The following SMYD3 variants were observed in gnomAD, a reference collection of about 807,000 sequenced individuals.
SMYD3 encodes SET and MYND domain containing 3, also known as histone-lysine N-methyltransferase SMYD3.
SMYD3 carries 36 observed loss-of-function variants against 57.7 expected under a neutral mutation model. That is an observed-to-expected ratio of 0.62 (90% CI 0.48 to 0.82). The LOEUF is 0.82. Ranked by LOEUF, SMYD3 falls within the 40% of genes least tolerant of loss-of-function variation. The probability of loss-of-function intolerance (pLI) is 0.00; values close to 1 mark genes in which losing one functional copy is unlikely to be tolerated. For missense variants in SMYD3, 515 were observed against 538.8 expected, an observed-to-expected ratio of 0.96 and a Z score of 0.44; for synonymous variants, 211 against 195.0, an observed-to-expected ratio of 1.08 and a Z score of -0.68.
chr1:245,820,097 G>C (rs2049074038), intron 10 of SMYD3, among the ~76,000 whole-genome samples: 1 of 147,642 alleles, frequency 6.8e-6, no homozygotes, highest in Non-Finnish European at 1.5e-5. Flanking sequence ...AACCAAAAAA[G>C]AGAATTTTAG....
intron 2 of SMYD3, among the ~76,000 whole-genome samples, chr1:246,349,586 T>TGACAGAGAGA (rs1161494610): frequency 2.6e-4 from 40 of 152,020 alleles, no homozygotes; most frequent in African/African-American, 9.7e-4. Context: ...CCAGCCTGGG[T>TGACAGAGAGA]GACAGAGAGA....
chr1:245,752,278 A>C (rs1402179338), intron 11 of SMYD3, among the ~76,000 whole-genome samples: 1 of 152,188 alleles, frequency 6.6e-6, no homozygotes, highest in South Asian at 2.1e-4. Flanking sequence ...CTCCGTCCTG[A>C]AAAAGGCCAG....
chr1:245,955,182 C>T (rs932621973), intron 5 of SMYD3, among the ~76,000 whole-genome samples: 5 of 152,184 alleles, frequency 3.3e-5, no homozygotes, highest in Non-Finnish European at 7.3e-5. Context: ...AGTTCCGCCT[C>T]CCGGGTTCAC....
At chr1:245,771,214 A>T (rs2046325693) in intron 10 of SMYD3, among the ~76,000 whole-genome samples, 1 of 152,166 alleles carries the variant, frequency 6.6e-6, no homozygotes, top group South Asian at 2.1e-4. Context: ...GTCACAGATT[A>T]AAAAATGCTA....
chr1:246,444,771 T>G (rs1053340966), intron 1 of SMYD3, among the ~76,000 whole-genome samples: 2 of 152,034 alleles, frequency 1.3e-5, no homozygotes, highest in African/African-American at 4.8e-5. Context: ...AGCTCCAGAG[T>G]GCTTAACTCA....
chr1:246,307,097 G>T (rs905654115), intron 5 of SMYD3, among the ~76,000 whole-genome samples: 1 of 152,128 alleles, frequency 6.6e-6, no homozygotes, highest in African/African-American at 2.4e-5. Flanking sequence ...TTCTACTCTG[G>T]AGTATAAAAT....
chr1:245,858,388 T>C, intron 10 of SMYD3, 108 bp downstream of exon 10: 1 of 1,138,736 alleles, frequency 8.8e-7, no homozygotes, highest in Non-Finnish European at 1.2e-6. Context: ...GAGAAGCAGC[T>C]GGAAATGCTC....
intron 1 of SMYD3, among the ~76,000 whole-genome samples, chr1:246,460,707 T>C (rs1409253830): frequency 1.3e-5 from 2 of 152,262 alleles, no homozygotes; most frequent in African/African-American, 4.8e-5. Flanking sequence ...GGTGTTTTCC[T>C]AGTTTATGTT....
intron 1 of SMYD3, among the ~76,000 whole-genome samples, chr1:246,428,056 C>T (rs1005564064): frequency 6.6e-6 from 1 of 152,074 alleles, no homozygotes; most frequent in Non-Finnish European, 1.5e-5. Context: ...AAATTTTAGA[C>T]CTCTTGACAA....
chr1:246,441,665 G>A (rs1047105101), intron 1 of SMYD3, among the ~76,000 whole-genome samples: 1 of 152,168 alleles, frequency 6.6e-6, no homozygotes, highest in African/African-American at 2.4e-5. Context: ...AGCCTGGAGT[G>A]CAGTGGCGCC....
intron 1 of SMYD3, among the ~76,000 whole-genome samples, chr1:246,459,621 G>C (rs1004464967): frequency 1.3e-5 from 2 of 152,192 alleles, no homozygotes; most frequent in Non-Finnish European, 2.9e-5. Context: ...ACAGCCTGCG[G>C]AACTGTGAGT....
rs1331665467 is a variant in SMYD3 at position 246,330,467 on chromosome 1, G to A, written c.394+13C>T. 1.3e-6 allele frequency: 2 copies of A among 1,562,806 alleles called. No individual in the cohort carries two copies. The highest frequency in any genetic ancestry group is 1.3e-5 in the South Asian group (1 of 78,306). On this transcript the variant is annotated intron_variant, in intron 4 of 11. Transcript: ENST00000490107. ...TAGAAACTTTTTTAAGATGCTGATA[G>A]ACAATCACTTACTTGACTCCAGATC...
intron 8 of SMYD3, among the ~76,000 whole-genome samples, chr1:245,908,733 T>C (rs568681474): frequency 2.0e-4 from 31 of 152,132 alleles, no homozygotes; most frequent in Non-Finnish European, 4.1e-4. Flanking sequence ...AGTGAAGCAA[T>C]TGAGAAAAAG....
chr1:245,929,920 G>A lies in SMYD3; in HGVS notation c.549C>T (p.Phe183=), dbSNP rs765025635. The A allele has an allele frequency of 6.2e-6, 10 of 1,613,676 alleles. No individual in the cohort carries two copies. Among genetic ancestry groups the A allele is most frequent in the South Asian group, 1.1e-5 (1 of 91,072 alleles). Residue 183 remains phenylalanine (F), a synonymous_variant, in exon 6 of 12, where the codon TTC becomes TTT. Transcript: ENST00000490107. ...EAFAKVICNS[F]TICNAEMQEV... ...CCTGCATCTCCGCATTACAGATGGT[G>A]AAAGAGTTGCAGATCACCTGTAAAC...
chr1:246,273,161 T>C (rs868641058), intron 5 of SMYD3, among the ~76,000 whole-genome samples: 1 of 131,080 alleles, frequency 7.6e-6, no homozygotes, highest in African/African-American at 2.8e-5. Context: ...TTCTTTTTTT[T>C]GGGGGGGGGA....
At chr1:246,395,407 C>T (rs12132900) in intron 1 of SMYD3, among the ~76,000 whole-genome samples, 145,020 of 152,344 alleles carry the variant, frequency 0.95, 69,431 homozygotes, top group East Asian at 1. Flanking sequence ...GGAAATGTTC[C>T]GTTTCTTCTA....
intron 8 of SMYD3, among the ~76,000 whole-genome samples, chr1:245,867,648 G>A (rs1170064028): frequency 7.7e-6 from 1 of 129,572 alleles, no homozygotes; most frequent in Non-Finnish European, 1.7e-5. Flanking sequence ...ATGTGCATGC[G>A]CGTGCGTGTG....
At chr1:246,327,041 T>G (rs2065364742) in intron 5 of SMYD3, 160 bp downstream of exon 5, 1 of 811,564 alleles carries the variant, frequency 1.2e-6, no homozygotes, top group Non-Finnish European at 2.0e-6. Context: ...ATGCACACAA[T>G]ACATTCTCTC....
intron 10 of SMYD3, among the ~76,000 whole-genome samples, chr1:245,852,347 C>T (rs2051021420): frequency 1.3e-5 from 2 of 152,178 alleles, no homozygotes. Context: ...GCTGGAACCA[C>T]TCCACAAAGC....
Sources: allele counts gnomAD v4.1 joint callset (sites outside exome capture counted in the v4.1 genomes callset), GRCh38; gene constraint gnomAD v4.1.1; transcripts MANE v1.5; gene names NCBI Gene and HGNC (gene_info 2026-07-23, HGNC 2026-07-21).